Variants in WDR7 observed in about 807,000 individuals in gnomAD.
WDR7 encodes the protein WD repeat-containing protein 7.
Under a neutral mutation model 169.4 loss-of-function variants are expected in WDR7, and 46 were observed. That is an observed-to-expected ratio of 0.27 (90% CI 0.21 to 0.35). The LOEUF is 0.35. Ranked by LOEUF, WDR7 falls within the 10% of genes least tolerant of loss-of-function variation. The pLI is 1.00. For missense variants in WDR7, 1,534 were observed against 1,859.3 expected, an observed-to-expected ratio of 0.83 and a Z score of 3.22; for synonymous variants, 612 against 666.8, an observed-to-expected ratio of 0.92 and a Z score of 1.27.
intron 21 of WDR7, among the ~76,000 whole-genome samples, chr18:56,908,742 G>A (rs1380174402): frequency 6.6e-6 from 1 of 152,138 alleles, no homozygotes; most frequent in East Asian, 1.9e-4. Flanking sequence ...TAAACACCCA[G>A]CACAGGACCT....
At position 56,984,981 on chromosome 18, in the gene WDR7, C is replaced by A. The variant is rs370209465; in HGVS notation, c.4164+22452C>A. Among the ~76,000 whole-genome samples, 27 of 152,234 alleles carry A rather than the reference C, an allele frequency of 1.8e-4. No homozygotes were observed. In the South Asian group the frequency reaches 5.4e-3, roughly 30 times the overall value. On this transcript the variant is annotated intron_variant, in intron 26 of 27. Transcript: ENST00000254442. ...ACAATGTCTCTGGGAGCATTATTGA[C>A]CCATTGCTGCCGACTGCCTGTGGCT...
intron 2 of WDR7, among the ~76,000 whole-genome samples, chr18:56,676,761 G>C (rs907423977): frequency 6.6e-6 from 1 of 151,492 alleles, no homozygotes; most frequent in East Asian, 1.9e-4. Flanking sequence ...ACCCAAGCTG[G>C]AGTGGAGTGG....
At chr18:56,959,097 C>T (rs1234463794) in intron 25 of WDR7, among the ~76,000 whole-genome samples, 1 of 152,056 alleles carries the variant, frequency 6.6e-6, no homozygotes, top group African/African-American at 2.4e-5. Context: ...CCTCCTTTGT[C>T]AAGATAACTT....
chr18:57,014,218 C>T (rs1044265937), intron 26 of WDR7, among the ~76,000 whole-genome samples: 1 of 151,162 alleles, frequency 6.6e-6, no homozygotes, highest in South Asian at 2.1e-4. Flanking sequence ...CCCAGCTACT[C>T]GGGAGGCTGA....
intron 21 of WDR7, among the ~76,000 whole-genome samples, chr18:56,907,536 A>G (rs562545937): frequency 2.6e-4 from 39 of 152,280 alleles, no homozygotes; most frequent in South Asian, 8.3e-4. Flanking sequence ...GTACCCTTCT[A>G]GCTCTTGGCT....
intron 14 of WDR7, among the ~76,000 whole-genome samples, chr18:56,739,570 T>C (rs1193394095): frequency 1.3e-5 from 2 of 152,188 alleles, no homozygotes; most frequent in East Asian, 3.8e-4. Flanking sequence ...TCATCTAAGA[T>C]CATTTTCTTC....
intron 16 of WDR7, among the ~76,000 whole-genome samples, chr18:56,774,650 C>T (rs1326966413): frequency 1.3e-5 from 2 of 151,998 alleles, no homozygotes; most frequent in African/African-American, 4.8e-5. Context: ...GTAATTTTTT[C>T]TGCTAATTGC....
At chr18:56,974,579 G>C (rs541723952) in intron 26 of WDR7, among the ~76,000 whole-genome samples, 1 of 152,192 alleles carries the variant, frequency 6.6e-6, no homozygotes, top group East Asian at 1.9e-4. Context: ...ATAGTGAGTG[G>C]AATTATCAGA....
intron 2 of WDR7, among the ~76,000 whole-genome samples, chr18:56,677,373 A>G (rs2025266013): frequency 1.3e-5 from 2 of 151,964 alleles, no homozygotes; most frequent in South Asian, 4.1e-4. Flanking sequence ...TTATTTTGAG[A>G]CAGTATTTCT....
At chr18:56,695,305 T>G in intron 11 of WDR7, 107 bp downstream of exon 11, 1 of 1,433,022 alleles carries the variant, frequency 7.0e-7, no homozygotes, top group Non-Finnish European at 9.4e-7. Context: ...ATCAGTGTAG[T>G]TAGTTGTTGG....
intron 13 of WDR7, among the ~76,000 whole-genome samples, chr18:56,727,602 A>G (rs1462773082): frequency 1.3e-5 from 2 of 152,106 alleles, no homozygotes; most frequent in Non-Finnish European, 2.9e-5. Context: ...CTATTAGGAG[A>G]ACAGCATAGA....
rs916861791 is a variant in WDR7, at chr18:56,935,911, C to T, written c.3831+6C>T. ...TCACCACCATAGCCAAAGAGGTGAGCGGAACTTCTCAGTGTGCTCCATCTT... is the reference window on the plus strand; with the variant it reads ...TCACCACCATAGCCAAAGAGGTGAGTGGAACTTCTCAGTGTGCTCCATCTT... On this transcript the variant is annotated splice_donor_region_variant and intron_variant, in intron 23 of 27. Coordinates refer to ENST00000254442, the MANE Select transcript of WDR7 (RefSeq NM_015285.3). 18 of 1,609,244 alleles carry T rather than the reference C, an allele frequency of 1.1e-5. No individual in the cohort carries two copies. The highest frequency in any genetic ancestry group is 4.5e-5 in the East Asian group (2 of 44,864).
At chr18:56,958,156 A>G (rs1003627017) in intron 25 of WDR7, among the ~76,000 whole-genome samples, 2 of 152,138 alleles carry the variant, frequency 1.3e-5, no homozygotes, top group African/African-American at 4.8e-5. Context: ...GTGTGCTTCA[A>G]AGTGATTTGC....
At chr18:56,731,671 T>C in intron 14 of WDR7, 74 bp downstream of exon 14, 1 of 1,275,760 alleles carries the variant, frequency 7.8e-7, no homozygotes, top group South Asian at 1.7e-5. Flanking sequence ...CTTTGGCATA[T>C]CTTAGAAAAT....
intron 19 of WDR7, among the ~76,000 whole-genome samples, chr18:56,814,905 A>G (rs1053600997): frequency 5.9e-5 from 9 of 152,142 alleles, no homozygotes; most frequent in Admixed American, 1.3e-4. Context: ...GCAACTCTGA[A>G]TAAGTAGTGG....
At chr18:56,885,333 A>T (rs1222936311) in intron 21 of WDR7, among the ~76,000 whole-genome samples, 3 of 152,154 alleles carry the variant, frequency 2.0e-5, no homozygotes, top group Admixed American at 1.3e-4. Context: ...TTATTAAGCT[A>T]ATCAAGGAGG....
In WDR7 at chr18:57,029,537, T is replaced by C. The variant is rs1239848758; in HGVS notation, c.*2330T>C. ...CCCAGCGTACACCTTTAATGTTTTA[T>C]TGATTTCACTGGCACTGTATTTGGA... On this transcript the variant is annotated 3_prime_UTR_variant, in exon 28 of 28. Transcript: ENST00000254442. 1 of 152,170 alleles carries C rather than the reference T, an allele frequency of 6.6e-6. No homozygotes were observed. Among genetic ancestry groups the C allele is most frequent in the East Asian group, 1.9e-4 (1 of 5,188 alleles). The allele number at this position is 152,170 out of a possible 1,614,324, so 9.4% of individuals were successfully genotyped here.
At chr18:56,858,593 C>T (rs2045756843) in intron 20 of WDR7, among the ~76,000 whole-genome samples, 1 of 152,170 alleles carries the variant, frequency 6.6e-6, no homozygotes, top group South Asian at 2.1e-4. Flanking sequence ...GCTGGGATTA[C>T]AGGTGTGAGC....
At chr18:56,920,734 C>T (rs1429063901) in intron 21 of WDR7, among the ~76,000 whole-genome samples, 1 of 152,164 alleles carries the variant, frequency 6.6e-6, no homozygotes, top group Non-Finnish European at 1.5e-5. Flanking sequence ...TAGATTCTAT[C>T]TTATACAGAT....
Sources: allele counts gnomAD v4.1 joint callset (sites outside exome capture counted in the v4.1 genomes callset), GRCh38; gene constraint gnomAD v4.1.1; transcripts MANE v1.5; gene names NCBI Gene and HGNC (gene_info 2026-07-23, HGNC 2026-07-21).